P2RX7: variants seen among roughly 807,000 people sequenced by gnomAD.
The protein encoded by P2RX7 is P2X purinoceptor 7.
Under a neutral mutation model 71.6 loss-of-function variants are expected in P2RX7, and 62 were observed. That is an observed-to-expected ratio of 0.87 (90% confidence interval 0.71 to 1.07). The LOEUF (loss-of-function observed/expected upper bound fraction) is 1.07. P2RX7 is among the 50% of genes least tolerant of loss of function. The probability of loss-of-function intolerance (pLI) is 0.00; values close to 1 mark genes in which losing one functional copy is unlikely to be tolerated. For missense variants in P2RX7, 686 were observed against 748.5 expected (o/e 0.92, Z 0.97); for synonymous variants, 299 against 283.3 (o/e 1.06, Z -0.56).
intron 1 of P2RX7, among the ~76,000 whole-genome samples, chr12:121,145,572 T>A (rs906386810): frequency 6.6e-6 from 1 of 151,632 alleles, no homozygotes; most frequent in African/African-American, 2.4e-5. Flanking sequence ...GATGGTGTGA[T>A]CTCCACTCAC....
chr12:121,141,411 T>G (rs1236136002), intron 1 of P2RX7, among the ~76,000 whole-genome samples: 1 of 152,012 alleles, frequency 6.6e-6, no homozygotes, highest in Non-Finnish European at 1.5e-5. Context: ...AGCACAGTGT[T>G]GGGAAGAGGA....
At chr12:121,175,726 C>T in intron 9 of P2RX7, among the ~76,000 whole-genome samples, 1 of 151,952 alleles carries the variant, frequency 6.6e-6, no homozygotes, top group East Asian at 1.9e-4. Context: ...TGATACTTAA[C>T]AAGAGAGAGA....
chr12:121,177,075 A>G, intron 9 of P2RX7, 72 bp from the exon 10 acceptor site: 4 of 1,349,208 alleles, frequency 3.0e-6, no homozygotes, highest in Non-Finnish European at 4.2e-6. Context: ...GATAGAACCA[A>G]CAATTGCACG....
At position 121,186,644 on chromosome 12, in the gene P2RX7, TG is replaced by T. The variant is rs1360247859; in HGVS notation, c.*1844del. On this transcript the variant is annotated 3_prime_UTR_variant, in exon 13 of 13. Coordinates refer to ENST00000328963, the MANE Select transcript of P2RX7 (RefSeq NM_002562.6). ...CAGCACTTTGGGAGGCTGAGGCGGG[TG>T]GATCACCTGAGGTCAGGAGTTCGAG... The T allele has an allele frequency of 1.3e-5, 2 of 151,760 alleles. No individual in the cohort carries two copies. The highest frequency in any genetic ancestry group is 1.3e-4 in the Admixed American group (2 of 15,206). The allele number at this position is 151,760 out of a possible 1,614,324, so 9.4% of individuals were successfully genotyped here. A position where few individuals can be genotyped will look rare whatever the true frequency, so the allele number is the denominator to read the frequency against.
At chr12:121,148,188 T>TTTTTTTTATTTA (rs1555223903) in intron 1 of P2RX7, among the ~76,000 whole-genome samples, 21 of 140,488 alleles carry the variant, frequency 1.5e-4, no homozygotes, top group African/African-American at 4.6e-4. Flanking sequence ...CTGGGATCTT[T>TTTTTTTTATTTA]TTTATTTATT....
At chr12:121,136,672 A>T (rs1217022026) in intron 1 of P2RX7, among the ~76,000 whole-genome samples, 2 of 115,106 alleles carry the variant, frequency 1.7e-5, no homozygotes, top group Non-Finnish European at 1.7e-5. Context: ...TTTTGAGTTG[A>T]GTCTCACTCT....
At chr12:121,135,726 G>A (rs530371583) in intron 1 of P2RX7, among the ~76,000 whole-genome samples, 17 of 151,590 alleles carry the variant, frequency 1.1e-4, no homozygotes, top group South Asian at 2.1e-4. Flanking sequence ...TGCTGGGTCC[G>A]GCATGGTGGC....
intron 3 of P2RX7, among the ~76,000 whole-genome samples, chr12:121,160,667 T>C (rs980948330): frequency 6.6e-6 from 1 of 152,234 alleles, no homozygotes; most frequent in Non-Finnish European, 1.5e-5. Context: ...TGTTGTAGCC[T>C]GTGTCATTGC....
Position 121,180,399 on chromosome 12 carries a change from GTGA to G in P2RX7, c.1235_1237del (p.Val412_Asn413delinsAsp), listed in dbSNP as rs1351571862. On this transcript the variant is annotated inframe_deletion, in exon 12 of 13. Coordinates refer to ENST00000328963, the MANE Select transcript of P2RX7 (RefSeq NM_002562.6). ...TGTGGATGAATCCCACATTAGGATG[GTGA>G]ACCAGCAGCTACTAGGGAGAAGTCT... 7 of 1,607,776 alleles carry G rather than the reference GTGA, an allele frequency of 4.4e-6. No homozygotes were observed. The highest frequency in any genetic ancestry group is 5.9e-6 in the Non-Finnish European group (7 of 1,176,766).
chr12:121,146,287 C>CT (rs35415599), intron 1 of P2RX7, among the ~76,000 whole-genome samples: 967 of 80,492 alleles, frequency 0.012, 165 homozygotes, highest in African/African-American at 0.021. Flanking sequence ...TCAAGCCTCT[C>CT]TTTTTTTTTT....
chr12:121,182,293 G>C (rs577561310), intron 12 of P2RX7, among the ~76,000 whole-genome samples: 2 of 152,254 alleles, frequency 1.3e-5, no homozygotes, highest in East Asian at 3.9e-4. Context: ...TGACCAAAGT[G>C]TTTCCATTCT....
At chr12:121,177,558 T>G in intron 11 of P2RX7, 112 bp downstream of exon 11, 1 of 1,049,498 alleles carries the variant, frequency 9.5e-7, no homozygotes, top group Non-Finnish European at 1.4e-6. Context: ...AGTGGATACG[T>G]CGCTGGGTTC....
intron 1 of P2RX7, among the ~76,000 whole-genome samples, chr12:121,148,270 A>G (rs751759007): frequency 2.0e-5 from 3 of 151,280 alleles, no homozygotes; most frequent in Non-Finnish European, 4.4e-5. Flanking sequence ...GCTGGAGTGC[A>G]ATGGCATGAT....
intron 1 of P2RX7, among the ~76,000 whole-genome samples, chr12:121,150,051 T>C (rs1877070921): frequency 6.6e-6 from 1 of 152,102 alleles, no homozygotes; most frequent in Non-Finnish European, 1.5e-5. Context: ...ACCTACCACC[T>C]GGAGGGGTGA....
intron 7 of P2RX7, among the ~76,000 whole-genome samples, chr12:121,166,677 G>A (rs1279808281): frequency 1.3e-5 from 2 of 152,070 alleles, no homozygotes; most frequent in African/African-American, 4.8e-5. Context: ...GTCTTACAAA[G>A]AGAGAGAGCA....
chr12:121,138,543 C>A (rs142472416), intron 1 of P2RX7, among the ~76,000 whole-genome samples: 3 of 152,356 alleles, frequency 2.0e-5, no homozygotes, highest in African/African-American at 7.2e-5. Context: ...CCGTGTGAGC[C>A]CTACGTGAAC....
Position 121,166,277 on chromosome 12 carries a change from C to T in P2RX7, c.744+90C>T. On this transcript the variant is annotated intron_variant, in intron 7 of 12. Transcript: ENST00000328963. ...CCAAGAGGCCGGGCCACTGGGTCTT[C>T]ATAATGTGGCTCACATTTACTGAGC... 2.9e-6 allele frequency: 4 copies of T among 1,360,016 alleles called. No individual in the cohort carries two copies. In the South Asian group the frequency reaches 5.3e-5, roughly 18 times the overall value. The allele number at this position is 1,360,016 out of a possible 1,614,324, so 84.2% of individuals were successfully genotyped here.
In P2RX7 at chr12:121,160,762, G is replaced by T. The variant is rs1794887; in HGVS notation, c.364-140G>T. ...CATTCATCCGTCAGTGGCCACTTGC[G>T]TGGTTTCCACTTTTTTGGCGATTCT... On this transcript the variant is annotated intron_variant, in intron 3 of 12. Transcript: ENST00000328963. 8 of 739,526 alleles carry T rather than the reference G, an allele frequency of 1.1e-5. No individual in the cohort carries two copies. The South Asian group carries it at 1.2e-4, about 11-fold the overall frequency. 45.8% of individuals were successfully genotyped at this position (739,526 alleles called of 1,614,324 possible).
intron 1 of P2RX7, among the ~76,000 whole-genome samples, chr12:121,140,647 G>A (rs17434640): frequency 0.049 from 7,525 of 152,274 alleles, 230 homozygotes; most frequent in South Asian, 0.079. Flanking sequence ...ACCTGAAGAA[G>A]ACCAAGGAGA....
Sources: gnomAD v4.1 joint callset for allele counts (sites outside exome capture counted in the v4.1 genomes callset) on GRCh38, gnomAD v4.1.1 for gene constraint, MANE v1.5 for transcripts, NCBI Gene and HGNC (gene_info 2026-07-23, HGNC 2026-07-21) for gene names.